MLLT11: variants seen among roughly 807,000 people sequenced by gnomAD.
MLLT11 encodes MLLT11 transcription factor 7 cofactor.
A neutral mutation model predicts 5.3 loss-of-function variants in MLLT11; 1 was observed. The ratio of observed to expected loss-of-function variants is 0.19; its 90% confidence interval spans 0.07 to 0.89. The LOEUF is 0.89. Among genes scored for constraint, MLLT11 ranks in the 40% least tolerant of loss-of-function variants. The pLI, the probability that MLLT11 is intolerant of heterozygous loss-of-function variation, is 0.67. For synonymous variants in MLLT11, 38 were observed against 41.7 expected (o/e 0.91, Z 0.34); for missense variants, 87 against 107.3 (o/e 0.81, Z 0.83).
intron 1 of MLLT11, among the ~76,000 whole-genome samples, chr1:151,065,427 A>AGAGCTTT (rs1676463918): frequency 6.6e-6 from 1 of 152,234 alleles, no homozygotes; most frequent in Non-Finnish European, 1.5e-5. Context: ...AATTTGTCAA[A>AGAGCTTT]GAGCTTTTTG....
At chr1:151,060,835 C>T (rs1409093273) in intron 1 of MLLT11, among the ~76,000 whole-genome samples, 2 of 152,190 alleles carry the variant, frequency 1.3e-5, no homozygotes, top group African/African-American at 2.4e-5. Context: ...CTTCAGTCTA[C>T]TTATCTTCCT....
intron 1 of MLLT11, among the ~76,000 whole-genome samples, 175 bp downstream of exon 1, chr1:151,060,728 A>T (rs902868943): frequency 6.6e-6 from 1 of 152,204 alleles, no homozygotes; most frequent in Non-Finnish European, 1.5e-5. Flanking sequence ...CCTTATACAG[A>T]CCATTAATCT....
Position 151,067,201 on chromosome 1 carries a change from C to T in MLLT11, c.-6-18C>T. 2 of 1,607,164 alleles carry T rather than the reference C, an allele frequency of 1.2e-6. No individual in the cohort carries two copies. The highest frequency in any genetic ancestry group is 1.7e-6 in the Non-Finnish European group (2 of 1,175,722). ...GAAGTTGCTGTAGCATGAAGACTGA[C>T]AAGTGGTTTCTTTCTAGGAAGCTAT... On this transcript the variant is annotated intron_variant, in intron 1 of 1. Transcript: ENST00000368921.
intron 1 of MLLT11, among the ~76,000 whole-genome samples, chr1:151,062,498 G>C (rs183665698): frequency 1.4e-3 from 210 of 152,016 alleles, no homozygotes; most frequent in African/African-American, 4.7e-3. Context: ...GAGTAGCTGG[G>C]ATTATAGGCG....
At position 151,061,689 on chromosome 1, in the gene MLLT11, G is replaced by A. The variant is rs1012336545; in HGVS notation, c.-7+1136G>A. The stretch of plus-strand genomic sequence containing the variant: ...AGCTAGCCAAAAAAGGATCTTTTGC[G>A]AAATTTGGAGTATTTGATAATTAAA... On this transcript the variant is annotated intron_variant, in intron 1 of 1. Transcript: ENST00000368921. Among the ~76,000 whole-genome samples the A allele has an allele frequency of 1.1e-4, 17 of 152,138 alleles. 1 individual carries two copies. The highest frequency in any genetic ancestry group is 5.2e-4 in the Admixed American group (8 of 15,274).
intron 1 of MLLT11, among the ~76,000 whole-genome samples, chr1:151,061,215 T>C (rs116866511): frequency 6.6e-6 from 1 of 152,232 alleles, no homozygotes; most frequent in East Asian, 1.9e-4. Context: ...GGAGGAATGC[T>C]AGTAGGAAAA....
chr1:151,065,876 CTA>C (rs1676469359), intron 1 of MLLT11, among the ~76,000 whole-genome samples: 1 of 152,178 alleles, frequency 6.6e-6, no homozygotes, highest in Non-Finnish European at 1.5e-5. Flanking sequence ...GGGTCTCACT[CTA>C]TTCCCCAGGC....
chr1:151,062,277 C>G (rs587709544), intron 1 of MLLT11, among the ~76,000 whole-genome samples: 1 of 152,170 alleles, frequency 6.6e-6, no homozygotes, highest in East Asian at 1.9e-4. Flanking sequence ...GGATTCTATA[C>G]AAACTGGCTG....
Position 151,067,746 on chromosome 1 carries a change from C to T in MLLT11, c.*249C>T, listed in dbSNP as rs1470314068. ...TGGGTCACAGGGATTCCTCCTTTCC[C>T]CCCCAAATATTAACTCCAGAAACTA... On this transcript the variant is annotated 3_prime_UTR_variant, in exon 2 of 2. Coordinates refer to ENST00000368921, the MANE Select transcript of MLLT11 (RefSeq NM_006818.4). 12 of 540,174 alleles carry T rather than the reference C, an allele frequency of 2.2e-5. No homozygotes were observed. Among genetic ancestry groups the T allele is most frequent in the Admixed American group, 1.7e-4 (5 of 29,558 alleles). 33.5% of individuals were successfully genotyped at this position (540,174 alleles called of 1,614,324 possible).
chr1:151,067,737 C>A lies in MLLT11; in HGVS notation c.*240C>A, dbSNP rs1200950472. On this transcript the variant is annotated 3_prime_UTR_variant, in exon 2 of 2. Coordinates refer to ENST00000368921, the MANE Select transcript of MLLT11 (RefSeq NM_006818.4). ...ATGGAGTACTGGGTCACAGGGATTC[C>A]TCCTTTCCCCCCCAAATATTAACTC... 1.8e-6 allele frequency: 1 copy of A among 552,008 alleles called. No homozygotes were observed. The highest frequency in any genetic ancestry group is 3.3e-6 in the Non-Finnish European group (1 of 303,188). The allele number at this position is 552,008 out of a possible 1,614,324, so 34.2% of individuals were successfully genotyped here. A position where few individuals can be genotyped will look rare whatever the true frequency, so the allele number is the denominator to read the frequency against.
intron 1 of MLLT11, among the ~76,000 whole-genome samples, chr1:151,064,452 T>G (rs1423598221): frequency 1.3e-5 from 2 of 152,198 alleles, no homozygotes; most frequent in East Asian, 3.8e-4. Context: ...GGAAAGTTAA[T>G]CAGCAGCCTT....
intron 1 of MLLT11, among the ~76,000 whole-genome samples, chr1:151,066,973 T>C (rs758971004): frequency 6.6e-6 from 1 of 151,976 alleles, no homozygotes; most frequent in South Asian, 2.1e-4. Context: ...AAAGGGTTTC[T>C]GAAGCTTGTC....
At chr1:151,063,343 TTC>T (rs1343636390) in intron 1 of MLLT11, among the ~76,000 whole-genome samples, 5 of 152,092 alleles carry the variant, frequency 3.3e-5, no homozygotes, top group Non-Finnish European at 7.4e-5. Context: ...AAACTTGGGG[TTC>T]TGTTTTTGGA....
intron 1 of MLLT11, among the ~76,000 whole-genome samples, chr1:151,064,924 A>G (rs1333167020): frequency 6.6e-6 from 1 of 152,226 alleles, no homozygotes; most frequent in Non-Finnish European, 1.5e-5. Context: ...GGAAGCATTT[A>G]TTGAATATAT....
intron 1 of MLLT11, among the ~76,000 whole-genome samples, chr1:151,065,899 C>T (rs1676469711): frequency 1.3e-5 from 2 of 152,094 alleles, no homozygotes; most frequent in Admixed American, 6.6e-5. Context: ...TGGAGTGCAG[C>T]GGCACAATCT....
Position 151,067,185 on chromosome 1 carries a change from G to A in MLLT11, c.-6-34G>A, listed in dbSNP as rs370778119. The A allele has an allele frequency of 7.5e-6, 12 of 1,592,388 alleles. No homozygotes were observed. The African/African-American group carries it at 9.5e-5, about 13-fold the overall frequency. ...GGCCATGGGCCACAAAGAAGTTGCTGTAGCATGAAGACTGACAAGTGGTTT... is the reference window on the plus strand; with the variant it reads ...GGCCATGGGCCACAAAGAAGTTGCTATAGCATGAAGACTGACAAGTGGTTT... On this transcript the variant is annotated intron_variant, in intron 1 of 1. Transcript: ENST00000368921.
At chr1:151,063,625 C>A (rs148319968) in intron 1 of MLLT11, among the ~76,000 whole-genome samples, 3,207 of 152,188 alleles carry the variant, frequency 0.021, 101 homozygotes, top group African/African-American at 0.072. Flanking sequence ...CGGGGTTTCA[C>A]CGTGTTAGCC....
rs1168970723 is a variant in MLLT11, at chr1:151,069,096, C to G, written c.*1599C>G. 7.9e-5 allele frequency among the ~76,000 whole-genome samples: 12 copies of G among 152,102 alleles called. No individual in the cohort carries two copies. Among genetic ancestry groups the G allele is most frequent in the African/African-American group, 2.7e-4 (11 of 41,394 alleles). ...TTTCAGGTAATAATTCTCCTAGGTGCCTAAGAAGATAAACGAATTCACTCA... is the reference window on the plus strand; with the variant it reads ...TTTCAGGTAATAATTCTCCTAGGTGGCTAAGAAGATAAACGAATTCACTCA... On this transcript the variant is annotated 3_prime_UTR_variant, in exon 2 of 2. Coordinates refer to ENST00000368921, the MANE Select transcript of MLLT11 (RefSeq NM_006818.4).
Position 151,069,199 on chromosome 1 carries a change from A to C in MLLT11, c.*1702A>C, listed in dbSNP as rs909674152. Reference sequence around the variant, plus strand: ...CTGAGCCAAACAGAATGTAAACGGGAATGAGACAAGACTCCAACTCTCAAA... The same window carrying C: ...CTGAGCCAAACAGAATGTAAACGGGCATGAGACAAGACTCCAACTCTCAAA... On this transcript the variant is annotated 3_prime_UTR_variant, in exon 2 of 2. Coordinates refer to ENST00000368921, the MANE Select transcript of MLLT11 (RefSeq NM_006818.4). 1.3e-5 allele frequency among the ~76,000 whole-genome samples: 2 copies of C among 152,180 alleles called. No individual in the cohort carries two copies. The highest frequency in any genetic ancestry group is 2.9e-5 in the Non-Finnish European group (2 of 68,032).
Sources: gnomAD v4.1 joint callset for allele counts (sites outside exome capture counted in the v4.1 genomes callset) on GRCh38, gnomAD v4.1.1 for gene constraint, MANE v1.5 for transcripts, NCBI Gene and HGNC (gene_info 2026-07-23, HGNC 2026-07-21) for gene names.